Variants in MGAM observed in about 807,000 individuals in gnomAD.
The protein encoded by MGAM is alpha-1,4-glucosidase.
Under a neutral mutation model 358.8 loss-of-function variants are expected in MGAM, and 253 were observed. That is an observed-to-expected ratio of 0.71 (90% CI 0.64 to 0.78). The LOEUF is 0.78. Ranked by LOEUF, MGAM falls within the 30% of genes least tolerant of loss-of-function variation. The pLI, the probability that MGAM is intolerant of heterozygous loss-of-function variation, is 0.00. For synonymous variants in MGAM, 1,105 were observed against 1,227.1 expected (o/e 0.90, Z 2.08); for missense variants, 3,080 against 3,432.6 (o/e 0.90, Z 2.57).
Position 142,052,280 on chromosome 7 carries a change from C to A in MGAM, c.2806-14C>A. 1 of 1,584,750 alleles carries A rather than the reference C, an allele frequency of 6.3e-7. No individual in the cohort carries two copies. Among genetic ancestry groups the A allele is most frequent in the Non-Finnish European group, 8.6e-7 (1 of 1,164,216 alleles). On this transcript the variant is annotated splice_polypyrimidine_tract_variant and intron_variant, in intron 24 of 70. Coordinates refer to ENST00000475668, the MANE Select transcript of MGAM (RefSeq NM_001365693.1). ...CTAAAGATGAATTTCCTTATGATTT[C>A]CACATTCCTACAGGTTGCCATTATC...
intron 22 of MGAM, 44 bp from the exon 23 acceptor site, chr7:142,050,191 A>T (rs2129030181): frequency 3.8e-6 from 6 of 1,594,982 alleles, no homozygotes; most frequent in South Asian, 1.1e-5. Context: ...TGTTCTTCTG[A>T]GGTGGGCAGG....
upstream of MGAM, among the ~76,000 whole-genome samples, chr7:141,991,894 GCCTGAACCATGTTTT>G (rs1803963608): frequency 6.6e-6 from 1 of 152,166 alleles, no homozygotes; most frequent in African/African-American, 2.4e-5. Context: ...CCTTGGTCTG[GCCTGAACCATGTTTT>G]TAAATCCAGG....
intron 2 of MGAM, among the ~76,000 whole-genome samples, chr7:141,987,770 A>ACATTTAG (rs138381198): frequency 0.036 from 5,454 of 152,236 alleles, 335 homozygotes; most frequent in African/African-American, 0.13. Flanking sequence ...GAATGAACAA[A>ACATTTAG]CATTTAGTTT....
chr7:142,105,121 G>T (rs1816735961), intron 70 of MGAM, among the ~76,000 whole-genome samples: 1 of 152,118 alleles, frequency 6.6e-6, no homozygotes, highest in African/African-American at 2.4e-5. Context: ...TGCCTAGGAA[G>T]AAGCAGGAAT....
At position 142,082,613 on chromosome 7, in the gene MGAM, G is replaced by T. The variant is rs776733353; in HGVS notation, c.6268+42G>T. On this transcript the variant is annotated intron_variant, in intron 52 of 70. Coordinates refer to ENST00000475668, the MANE Select transcript of MGAM (RefSeq NM_001365693.1). ...CCTCCCTTATTTTGGGGGGATACCA[G>T]TCATGCCTGAGTCAGTTTAGAATGT... 3.7e-6 allele frequency: 5 copies of T among 1,367,574 alleles called. No individual in the cohort carries two copies. The South Asian group carries it at 6.3e-5, about 17-fold the overall frequency. 84.7% of individuals were successfully genotyped at this position (1,367,574 alleles called of 1,614,324 possible).
chr7:142,089,008 C>G (rs35988825), intron 57 of MGAM, among the ~76,000 whole-genome samples: 31,936 of 127,272 alleles, frequency 0.25, 6,461 homozygotes, highest in Middle Eastern at 0.42. Flanking sequence ...ATCTATCTAT[C>G]TATCTATCTA....
intron 21 of MGAM, among the ~76,000 whole-genome samples, chr7:142,046,013 G>A (rs34810980): frequency 0.029 from 1,014 of 34,770 alleles, 98 homozygotes; most frequent in Middle Eastern, 0.1. Context: ...TATATATTAT[G>A]TATACATACA....
intron 21 of MGAM, among the ~76,000 whole-genome samples, chr7:142,044,428 TACG>T (rs1323125419): frequency 7.2e-6 from 1 of 139,818 alleles, no homozygotes; most frequent in African/African-American, 2.6e-5. Flanking sequence ...TATATACACA[TACG>T]ATATATATAA....
Position 142,077,954 on chromosome 7 carries a change from C to T in MGAM, c.5494-364C>T, listed in dbSNP as rs543099357. ...AGGATCAGCTCACTTTGAGATGACACCATGTGTCATGCTAAAGAGGAAGTG... is the reference window on the plus strand; with the variant it reads ...AGGATCAGCTCACTTTGAGATGACATCATGTGTCATGCTAAAGAGGAAGTG... On this transcript the variant is annotated intron_variant, in intron 47 of 70. Transcript: ENST00000475668. Among the ~76,000 whole-genome samples the T allele has an allele frequency of 1.4e-5, 2 of 145,494 alleles. 1 individual carries two copies. The highest frequency in any genetic ancestry group is 4.4e-4 in the South Asian group (2 of 4,538).
At chr7:142,091,877 T>G (rs185006587) in intron 57 of MGAM, 36 bp from the exon 58 acceptor site, 2 of 1,394,068 alleles carry the variant, frequency 1.4e-6, no homozygotes, top group East Asian at 2.4e-5. Flanking sequence ...CTTCTATATT[T>G]GTGTGGGACA....
chr7:142,045,384 C>G (rs190523093), intron 21 of MGAM, among the ~76,000 whole-genome samples: 1,533 of 69,820 alleles, frequency 0.022, 38 homozygotes, highest in South Asian at 0.15. Context: ...TTATATATCC[C>G]TATAATACAT....
intron 18 of MGAM, among the ~76,000 whole-genome samples, chr7:142,037,772 G>T (rs187647424): frequency 1.7e-4 from 26 of 152,160 alleles, no homozygotes; most frequent in African/African-American, 6.3e-4. Context: ...ATTTTTGTTG[G>T]TACATAGTAG....
chr7:142,102,776 T>C, intron 69 of MGAM, 97 bp downstream of exon 69: 4 of 1,134,806 alleles, frequency 3.5e-6, no homozygotes, highest in Non-Finnish European at 5.1e-6. Context: ...AATTTCTTCA[T>C]TGCTCATCTT....
chr7:142,103,533 C>T, intron 70 of MGAM, 94 bp downstream of exon 70: 1 of 1,224,726 alleles, frequency 8.2e-7, no homozygotes, highest in Non-Finnish European at 1.1e-6. Flanking sequence ...ATGCCCTCTC[C>T]TGCCAGGCCC....
rs112653959 is a variant in MGAM at position 142,084,338 on chromosome 7, C to T, written c.6382-181C>T. ...TTTCCATAATTTTTAAGAAGGAGCTCAAGTCTAGCAGAAAGCTTTCTCCAA... is the reference window on the plus strand; with the variant it reads ...TTTCCATAATTTTTAAGAAGGAGCTTAAGTCTAGCAGAAAGCTTTCTCCAA... On this transcript the variant is annotated intron_variant, in intron 53 of 70. Transcript: ENST00000475668. Among the ~76,000 whole-genome samples, 66 of 146,050 alleles carry T rather than the reference C, an allele frequency of 4.5e-4. 4 individuals carry two copies. The highest frequency in any genetic ancestry group is 1.3e-3 in the African/African-American group (52 of 41,196).
intron 21 of MGAM, among the ~76,000 whole-genome samples, chr7:142,046,218 C>G (rs1484144547): frequency 6.8e-6 from 1 of 146,910 alleles, no homozygotes; most frequent in African/African-American, 2.5e-5. Flanking sequence ...TTCTTTAATA[C>G]TGTTAGTATT....
chr7:142,023,913 G>T (rs1211689727), intron 7 of MGAM, among the ~76,000 whole-genome samples: 1 of 152,150 alleles, frequency 6.6e-6, no homozygotes, highest in African/African-American at 2.4e-5. Flanking sequence ...TGGGCTTTCA[G>T]TCCCTTCTTC....
At chr7:142,062,816 G>A (rs1219759705) in intron 35 of MGAM, 114 bp downstream of exon 35, 30 of 1,515,724 alleles carry the variant, frequency 2.0e-5, no homozygotes, top group Non-Finnish European at 2.3e-5. Flanking sequence ...AGAAGACTTT[G>A]GACATAGCAG....
chr7:142,056,847 C>T lies in MGAM; in HGVS notation c.3598C>T (p.Leu1200=), dbSNP rs749389638. The T allele has an allele frequency of 1.9e-6, 3 of 1,613,844 alleles. No individual in the cohort carries two copies. The highest frequency in any genetic ancestry group is 2.5e-6 in the Non-Finnish European group (3 of 1,179,834). Residue 1200 remains leucine (L), a synonymous_variant, in exon 30 of 71, where the codon CTG becomes TTG. Coordinates refer to ENST00000475668, the MANE Select transcript of MGAM (RefSeq NM_001365693.1). ...ATTTTCAGATGTGACGTTCCAGCCC[C>T]TGCCTGCCTTGACATACCGCACCAC... ...SNAMDVTFQP[L]PALTYRTTGG...
Sources: allele counts gnomAD v4.1 joint callset (sites outside exome capture counted in the v4.1 genomes callset), GRCh38; gene constraint gnomAD v4.1.1; transcripts MANE v1.5; gene names NCBI Gene and HGNC (gene_info 2026-07-23, HGNC 2026-07-21).